Variants in LTBP1 observed in about 807,000 individuals in gnomAD.
The protein encoded by LTBP1 is latent-transforming growth factor beta-binding protein 1.
Under a neutral mutation model 207.6 loss-of-function variants are expected in LTBP1, and 129 were observed. That is an observed-to-expected ratio of 0.62 (90% CI 0.54 to 0.72). LTBP1 has a LOEUF of 0.72. Ranked by LOEUF, LTBP1 falls within the 30% of genes least tolerant of loss-of-function variation. The pLI, the probability that LTBP1 is intolerant of heterozygous loss-of-function variation, is 0.00. For synonymous variants in LTBP1, 963 were observed against 833.7 expected (o/e 1.16, Z -2.67); for missense variants, 2,281 against 2,217.2 (o/e 1.03, Z -0.58).
intron 10 of LTBP1, among the ~76,000 whole-genome samples, chr2:33,245,209 G>A (rs1259111088): frequency 6.6e-6 from 1 of 152,088 alleles, no homozygotes; most frequent in African/African-American, 2.4e-5. Context: ...TGTGGCTTTG[G>A]TATATAATGA....
chr2:32,990,020 G>T (rs769466411), intron 2 of LTBP1, among the ~76,000 whole-genome samples: 1 of 152,136 alleles, frequency 6.6e-6, no homozygotes, highest in Non-Finnish European at 1.5e-5. Flanking sequence ...TGGGAGGACC[G>T]CTTGAGCCCA....
chr2:33,005,594 CTTTTTT>C (rs57363701), intron 2 of LTBP1, among the ~76,000 whole-genome samples: 2 of 132,940 alleles, frequency 1.5e-5, no homozygotes. Flanking sequence ...TAAGCTCTAC[CTTTTTT>C]TTTTTTTTTT....
chr2:33,084,302 A>G (rs1380530002), intron 3 of LTBP1, among the ~76,000 whole-genome samples: 4 of 152,206 alleles, frequency 2.6e-5, no homozygotes, highest in African/African-American at 7.2e-5. Context: ...TAATTAGTTC[A>G]GATTGGCCCT....
intron 3 of LTBP1, among the ~76,000 whole-genome samples, chr2:33,087,083 G>GC (rs1558618727): frequency 1.5e-3 from 50 of 33,098 alleles, no homozygotes; most frequent in Non-Finnish European, 2.8e-3. Flanking sequence ...CCTCCTTTAT[G>GC]CTTTTTTTTT....
chr2:33,173,687 G>T (rs2085710110), intron 5 of LTBP1, among the ~76,000 whole-genome samples: 1 of 151,308 alleles, frequency 6.6e-6, no homozygotes, highest in Non-Finnish European at 1.5e-5. Flanking sequence ...CCAAAGCCAG[G>T]CAGAGACACA....
chr2:33,328,698 G>A lies in LTBP1; in HGVS notation c.3730+13429G>A, dbSNP rs146735019. Among the ~76,000 whole-genome samples the A allele has an allele frequency of 8.1e-3, 1,236 of 152,228 alleles. 11 individuals are homozygous for A. The highest frequency in any genetic ancestry group is 0.012 in the Non-Finnish European group (817 of 68,012). ...CTGCCCTTGACACATGGGGATTATG[G>A]GGATTACAATTCAAGGTAAGATTTT... On this transcript the variant is annotated intron_variant, in intron 24 of 33. Transcript: ENST00000404816.
At chr2:33,127,796 A>G (rs2081522893) in intron 4 of LTBP1, among the ~76,000 whole-genome samples, 1 of 152,120 alleles carries the variant, frequency 6.6e-6, no homozygotes, top group Non-Finnish European at 1.5e-5. Context: ...ATTTTAGTTG[A>G]GTCAAAAGGG....
At chr2:33,164,038 G>A (rs541545070) in intron 5 of LTBP1, among the ~76,000 whole-genome samples, 48 of 151,900 alleles carry the variant, frequency 3.2e-4, no homozygotes, top group African/African-American at 1.1e-3. Context: ...TGATTATTAA[G>A]TTGACTTGTT....
chr2:33,131,447 G>C (rs1172603967), intron 4 of LTBP1, among the ~76,000 whole-genome samples: 1 of 152,230 alleles, frequency 6.6e-6, no homozygotes, highest in Non-Finnish European at 1.5e-5. Context: ...ATGTGGGAAT[G>C]ATTTTCAAGG....
intron 2 of LTBP1, among the ~76,000 whole-genome samples, chr2:32,971,590 C>T (rs1471652768): frequency 1.3e-5 from 2 of 152,038 alleles, no homozygotes; most frequent in Admixed American, 1.3e-4. Flanking sequence ...TGTGATAGAT[C>T]ACATTTATTG....
Position 33,196,854 on chromosome 2 carries a change from A to G in LTBP1, c.1701+8003A>G, listed in dbSNP as rs74977796. 8.6e-3 allele frequency among the ~76,000 whole-genome samples: 1,316 copies of G among 152,298 alleles called. 19 individuals are homozygous for G. The highest frequency in any genetic ancestry group is 0.037 in the Middle Eastern group (11 of 294). On this transcript the variant is annotated intron_variant, in intron 7 of 33. Transcript: ENST00000404816. ...TTTCGAGATGGAATGCTAGAGAATT[A>G]ATGGAGAAAATTCAGTGATCAGTGA...
intron 4 of LTBP1, among the ~76,000 whole-genome samples, chr2:33,128,926 A>G (rs1056341967): frequency 6.6e-6 from 1 of 152,186 alleles, no homozygotes; most frequent in African/African-American, 2.4e-5. Flanking sequence ...CAATGCTGGT[A>G]GGTTCTCTTA....
At chr2:33,187,875 C>T (rs971756999) in intron 6 of LTBP1, among the ~76,000 whole-genome samples, 3 of 152,010 alleles carry the variant, frequency 2.0e-5, no homozygotes, top group African/African-American at 7.3e-5. Flanking sequence ...CATGTAAATC[C>T]TACAATTTTT....
intron 3 of LTBP1, among the ~76,000 whole-genome samples, chr2:33,027,708 G>A (rs2075491045): frequency 6.6e-6 from 1 of 152,088 alleles, no homozygotes; most frequent in South Asian, 2.1e-4. Context: ...GTGGTGGCAT[G>A]CGCCTGTAGT....
chr2:33,061,613 G>C (rs538428350), intron 3 of LTBP1, among the ~76,000 whole-genome samples: 2 of 152,238 alleles, frequency 1.3e-5, no homozygotes, highest in African/African-American at 4.8e-5. Flanking sequence ...TGTGGAATGT[G>C]TTAATACTGT....
rs192425153 is a variant in LTBP1, at chr2:33,180,406, C to T, written c.1202-6450C>T. 4.6e-5 allele frequency among the ~76,000 whole-genome samples: 7 copies of T among 151,704 alleles called. No homozygotes were observed. In the South Asian group the frequency reaches 6.2e-4, roughly 14 times the overall value. ...CTTTTTTCCCCTTGGTGATGCATAC[C>T]GAATGAAAAGGCAAGCATATAGGTT... On this transcript the variant is annotated intron_variant, in intron 5 of 33. Coordinates refer to ENST00000404816, the MANE Select transcript of LTBP1 (RefSeq NM_206943.4).
At chr2:33,124,269 G>A (rs1029122426) in intron 4 of LTBP1, among the ~76,000 whole-genome samples, 7 of 152,166 alleles carry the variant, frequency 4.6e-5, no homozygotes, top group African/African-American at 1.7e-4. Context: ...AATTAGCCGG[G>A]CATGGTGCTA....
chr2:33,325,582 C>T (rs575041814), intron 24 of LTBP1, among the ~76,000 whole-genome samples: 16 of 152,082 alleles, frequency 1.1e-4, no homozygotes, highest in Non-Finnish European at 2.2e-4. Context: ...CCGAGACTAT[C>T]CAGTGGTTAT....
chr2:33,186,425 AG>A lies in LTBP1; in HGVS notation c.1202-429del, dbSNP rs2087205444. Among the ~76,000 whole-genome samples the A allele has an allele frequency of 2.0e-5, 3 of 152,180 alleles. No individual in the cohort carries two copies. In the South Asian group the frequency reaches 6.2e-4, roughly 31 times the overall value. ...ATTTTTCTAGGTGCCAAGGATGTTA[AG>A]GTTACCAGGCCATACACACTACCAG... On this transcript the variant is annotated intron_variant, in intron 5 of 33. Transcript: ENST00000404816.
Sources: allele counts gnomAD v4.1 joint callset (sites outside exome capture counted in the v4.1 genomes callset), GRCh38; gene constraint gnomAD v4.1.1; transcripts MANE v1.5; gene names NCBI Gene and HGNC (gene_info 2026-07-23, HGNC 2026-07-21).